The following GRM7 variants were observed in gnomAD, a reference collection of about 807,000 sequenced individuals.
GRM7 encodes the protein metabotropic glutamate receptor 7.
GRM7 carries 35 observed loss-of-function variants against 84.5 expected under a neutral mutation model. The observed-to-expected ratio is 0.41, with a 90% confidence interval of 0.32 to 0.55. The LOEUF is 0.55. Among genes scored for constraint, GRM7 ranks in the 20% least tolerant of loss-of-function variants. GRM7 has a pLI of 0.19. For synonymous variants in GRM7, 487 were observed against 455.1 expected (o/e 1.07, Z -0.89); for missense variants, 1,003 against 1,194.6 (o/e 0.84, Z 2.36).
intron 2 of GRM7, among the ~76,000 whole-genome samples, chr3:7,292,510 A>C (rs1397192294): frequency 6.6e-6 from 1 of 152,046 alleles, no homozygotes; most frequent in East Asian, 1.9e-4. Context: ...CTCCTGACTC[A>C]TGAGGTGCTG....
At chr3:7,222,489 A>G (rs1043512688) in intron 2 of GRM7, among the ~76,000 whole-genome samples, 4 of 152,148 alleles carry the variant, frequency 2.6e-5, no homozygotes, top group African/African-American at 9.7e-5. Flanking sequence ...CCACAACCAC[A>G]GAGAACTGAA....
At chr3:7,734,743 T>C (rs967463832) in intron 9 of GRM7, among the ~76,000 whole-genome samples, 3 of 152,356 alleles carry the variant, frequency 2.0e-5, no homozygotes, top group South Asian at 2.1e-4. Flanking sequence ...TGAACTGGTA[T>C]AATTGGGAAT....
Position 7,578,976 on chromosome 3 carries a change from A to G in GRM7, c.2070A>G (p.Ser690=). The change falls in exon 8 of 10, where the codon TCA becomes TCG. Residue 690 remains serine, a synonymous_variant. Coordinates refer to ENST00000357716, the MANE Select transcript of GRM7 (RefSeq NM_000844.4). Reference sequence around the variant, plus strand: ...GCATATTTGAGCAGGGCAAGAAATCAGTAACAGCTCCCAGACTCATAAGCC... The same window carrying G: ...GCATATTTGAGCAGGGCAAGAAATCGGTAACAGCTCCCAGACTCATAAGCC... ...IYRIFEQGKK[S]VTAPRLISPT... The G allele has an allele frequency of 6.2e-7, 1 of 1,614,146 alleles. No individual in the cohort carries two copies. Among genetic ancestry groups the G allele is most frequent in the Non-Finnish European group, 8.5e-7 (1 of 1,180,014 alleles).
intron 7 of GRM7, among the ~76,000 whole-genome samples, chr3:7,502,066 C>T (rs1172074293): frequency 6.6e-6 from 1 of 152,176 alleles, no homozygotes; most frequent in African/African-American, 2.4e-5. Context: ...CTTCTGCCTG[C>T]TGCGTATAAA....
At chr3:7,106,447 G>A (rs1380239471) in intron 1 of GRM7, among the ~76,000 whole-genome samples, 1 of 151,140 alleles carries the variant, frequency 6.6e-6, no homozygotes, top group Non-Finnish European at 1.5e-5. Context: ...ATCTTGGATT[G>A]CTATCTTGGG....
chr3:7,471,283 A>T lies in GRM7; in HGVS notation c.1515+9561A>T, dbSNP rs77321383. Among the ~76,000 whole-genome samples, 1,346 of 152,128 alleles carry T rather than the reference A, an allele frequency of 8.8e-3. 20 individuals carry two copies. Among genetic ancestry groups the T allele is most frequent in the African/African-American group, 0.03 (1,245 of 41,508 alleles). On this transcript the variant is annotated intron_variant, in intron 7 of 9. Coordinates refer to ENST00000357716, the MANE Select transcript of GRM7 (RefSeq NM_000844.4). Reference sequence around the variant, plus strand: ...TTATCTCACAGTTCTTTAGGTTAGAAGTCCAACATAGGTCTCACAGGACTA... The same window carrying T: ...TTATCTCACAGTTCTTTAGGTTAGATGTCCAACATAGGTCTCACAGGACTA...
chr3:7,364,558 A>G (rs1462095624), intron 4 of GRM7, among the ~76,000 whole-genome samples: 3 of 151,236 alleles, frequency 2.0e-5, no homozygotes, highest in Non-Finnish European at 3.0e-5. Context: ...CTTTTTACTC[A>G]TTTTTCCTCC....
intron 2 of GRM7, among the ~76,000 whole-genome samples, chr3:7,250,318 T>G (rs1305736683): frequency 1.3e-5 from 2 of 152,120 alleles, no homozygotes; most frequent in Non-Finnish European, 1.5e-5. Flanking sequence ...GTTATAATTG[T>G]TCTTCTCAAT....
chr3:7,091,787 T>C (rs989397000), intron 1 of GRM7, among the ~76,000 whole-genome samples: 2 of 146,346 alleles, frequency 1.4e-5, no homozygotes, highest in African/African-American at 5.2e-5. Context: ...AAACTCAGGA[T>C]AATTTTAGAA....
intron 4 of GRM7, among the ~76,000 whole-genome samples, chr3:7,373,484 G>A (rs1055425723): frequency 2.0e-5 from 3 of 152,114 alleles, no homozygotes; most frequent in Admixed American, 6.5e-5. Flanking sequence ...GTCTTCTCCA[G>A]TTAATCTCCA....
intron 8 of GRM7, among the ~76,000 whole-genome samples, chr3:7,623,969 C>T (rs1697487080): frequency 6.6e-6 from 1 of 152,072 alleles, no homozygotes; most frequent in African/African-American, 2.4e-5. Context: ...GAGAGTAGAG[C>T]CTGTTGACTT....
chr3:7,484,169 T>C (rs912935204), intron 7 of GRM7, among the ~76,000 whole-genome samples: 4 of 152,180 alleles, frequency 2.6e-5, no homozygotes, highest in African/African-American at 9.6e-5. Flanking sequence ...GTAAGGTGCA[T>C]TTAACAAGAG....
At chr3:6,943,084 A>G (rs1559342348) in intron 1 of GRM7, among the ~76,000 whole-genome samples, 1 of 151,996 alleles carries the variant, frequency 6.6e-6, no homozygotes, top group African/African-American at 2.4e-5. Context: ...TCAAGTTTTT[A>G]AAATACTTCA....
At chr3:7,309,502 T>G (rs1700316949) in intron 4 of GRM7, among the ~76,000 whole-genome samples, 1 of 152,186 alleles carries the variant, frequency 6.6e-6, no homozygotes, top group Non-Finnish European at 1.5e-5. Flanking sequence ...TATATCTTTG[T>G]GTTGTATAAT....
chr3:7,205,758 G>A (rs959899569), intron 2 of GRM7, among the ~76,000 whole-genome samples: 39 of 152,278 alleles, frequency 2.6e-4, no homozygotes, highest in African/African-American at 8.9e-4. Flanking sequence ...CTCATTTTAC[G>A]TGTGGCTGAT....
intron 1 of GRM7, among the ~76,000 whole-genome samples, chr3:7,099,485 A>G (rs987817392): frequency 6.9e-6 from 1 of 145,932 alleles, no homozygotes. Flanking sequence ...ATATATGTAT[A>G]TGTACACGCA....
At chr3:7,406,968 G>A (rs1695708634) in intron 4 of GRM7, among the ~76,000 whole-genome samples, 1 of 152,202 alleles carries the variant, frequency 6.6e-6, no homozygotes, top group Non-Finnish European at 1.5e-5. Flanking sequence ...AATATGGGAT[G>A]TCATTAATAC....
chr3:7,030,369 T>G (rs1202810793), intron 1 of GRM7, among the ~76,000 whole-genome samples: 1 of 152,128 alleles, frequency 6.6e-6, no homozygotes, highest in Non-Finnish European at 1.5e-5. Context: ...CCCTAGACAC[T>G]TTTGGGGGTG....
At chr3:7,298,661 C>T (rs191934789) in intron 2 of GRM7, 23 bp from the exon 3 acceptor site, 1 of 1,604,288 alleles carries the variant, frequency 6.2e-7, no homozygotes, top group East Asian at 2.2e-5. Context: ...ATTATTGACA[C>T]TATGTTTTCT....
Sources: allele counts gnomAD v4.1 joint callset (sites outside exome capture counted in the v4.1 genomes callset), GRCh38; gene constraint gnomAD v4.1.1; transcripts MANE v1.5; gene names NCBI Gene and HGNC (gene_info 2026-07-23, HGNC 2026-07-21).